Variants in COL5A3 observed in about 807,000 individuals in gnomAD.
COL5A3 encodes the protein collagen alpha-3(V) chain.
Under a neutral mutation model 250.0 loss-of-function variants are expected in COL5A3, and 172 were observed. The ratio of observed to expected loss-of-function variants is 0.69; its 90% CI spans 0.61 to 0.78. The LOEUF is 0.78. Ranked by LOEUF, COL5A3 falls within the 30% of genes least tolerant of loss-of-function variation. The pLI is 0.00. For synonymous variants in COL5A3, 937 were observed against 900.4 expected (o/e 1.04, Z -0.73); for missense variants, 2,340 against 2,334.4 (o/e 1.00, Z -0.05).
intron 40 of COL5A3, 42 bp downstream of exon 40, chr19:9,978,849 C>T (rs754014521): frequency 7.4e-7 from 1 of 1,342,296 alleles, no homozygotes; most frequent in Non-Finnish European, 9.9e-7. Context: ...CCATCCTTTC[C>T]TTCTCTAAGG....
At chr19:9,976,655 G>C (rs35571684) in intron 44 of COL5A3, 44 bp from the exon 45 acceptor site, 35,491 of 1,475,906 alleles carry the variant, frequency 0.024, 572 homozygotes, top group South Asian at 0.05. Flanking sequence ...TCAGGTTTAA[G>C]ATTAGAGAGG....
In COL5A3 at chr19:9,960,457, T is replaced by A; in HGVS notation, c.5192A>T (p.Asn1731Ile). ...GCCCAGTTCAAACCCAAACTTTTGG[T>A]TCGTCTGGCCAAAGTCAGTGGCCGC... ...DVAATDFGQTNQKFGFELGPV... is the reference protein window; with the variant it reads ...DVAATDFGQTIQKFGFELGPV... The change falls in exon 67 of 67, where the codon AAC becomes ATC. Residue 1731 changes from asparagine (N) to isoleucine (I), a missense_variant. Around this residue, in one of 3 missense-constraint regions of COL5A3, gnomAD observed 1,179 missense variants for 1,162.6 expected, o/e 1.01. Transcript: ENST00000264828. The A allele has an allele frequency of 6.2e-7, 1 of 1,614,122 alleles. No individual in the cohort carries two copies. The highest frequency in any genetic ancestry group is 1.1e-5 in the South Asian group (1 of 91,072).
intron 49 of COL5A3, 30 bp downstream of exon 49, chr19:9,973,726 C>T (rs375772726): frequency 1.2e-6 from 2 of 1,613,816 alleles, no homozygotes; most frequent in Non-Finnish European, 1.7e-6. Context: ...ATCTCTTCCC[C>T]CCGTGCAGCC....
chr19:9,994,029 A>T (rs1478550209), intron 16 of COL5A3, among the ~76,000 whole-genome samples: 1 of 151,768 alleles, frequency 6.6e-6, no homozygotes. Flanking sequence ...CTAATTTTTT[A>T]TATTTTTGGT....
Position 9,967,946 on chromosome 19 carries a change from G to C in COL5A3, c.4369-7C>G. On this transcript the variant is annotated splice_polypyrimidine_tract_variant and splice_region_variant and intron_variant, in intron 60 of 66. Coordinates refer to ENST00000264828, the MANE Select transcript of COL5A3 (RefSeq NM_015719.4). ...CTTTCTGTCCTAGAGGGCCCTGTAG[G>C]GTACAGACAGGGAGAGCTGAGGTCC... 2 of 1,612,086 alleles carry C rather than the reference G, an allele frequency of 1.2e-6. No individual in the cohort carries two copies. Among genetic ancestry groups the C allele is most frequent in the Non-Finnish European group, 1.7e-6 (2 of 1,179,196 alleles).
At chr19:9,993,281 C>T (rs2087221452) in intron 19 of COL5A3, 99 bp downstream of exon 19, 1 of 1,390,322 alleles carries the variant, frequency 7.2e-7, no homozygotes, top group Non-Finnish European at 1.0e-6. Context: ...CCCTAGCTCT[C>T]AAGCTGGCCA....
At chr19:10,010,261 G>T (rs745725381) in intron 1 of COL5A3, 37 bp downstream of exon 1, 24 of 1,337,246 alleles carry the variant, frequency 1.8e-5, no homozygotes, top group Non-Finnish European at 2.1e-5. Context: ...TCTCTGAGTC[G>T]TGGACCCTGG....
At chr19:9,977,746 G>A in intron 41 of COL5A3, 45 bp from the exon 42 acceptor site, 2 of 1,420,084 alleles carry the variant, frequency 1.4e-6, no homozygotes, top group East Asian at 2.5e-5. Flanking sequence ...AGTAGTAGCT[G>A]TCCTTTATGG....
chr19:9,995,355 G>A (rs2087254673), intron 16 of COL5A3, among the ~76,000 whole-genome samples: 1 of 152,188 alleles, frequency 6.6e-6, no homozygotes, highest in African/African-American at 2.4e-5. Flanking sequence ...CAGATCTCAG[G>A]GCAAGCATCA....
intron 1 of COL5A3, 60 bp from the exon 2 acceptor site, chr19:10,006,291 A>G: frequency 1.3e-6 from 2 of 1,482,490 alleles, no homozygotes; most frequent in Admixed American, 2.2e-5. Context: ...GAATAAGCCC[A>G]GGACTCCAGG....
In COL5A3 at chr19:9,997,441, G is replaced by C. The variant is rs1191146005; in HGVS notation, c.1201-8C>G. 4 of 1,594,374 alleles carry C rather than the reference G, an allele frequency of 2.5e-6. No homozygotes were observed. Among genetic ancestry groups the C allele is most frequent in the East Asian group, 4.5e-5 (2 of 44,618 alleles). ...TGAGGGGCCAACCACCCCCTGTTGGGGACAGAGAAACAGGAGTCACAGGAA... is the reference window on the plus strand; with the variant it reads ...TGAGGGGCCAACCACCCCCTGTTGGCGACAGAGAAACAGGAGTCACAGGAA... On this transcript the variant is annotated splice_polypyrimidine_tract_variant and splice_region_variant and intron_variant, in intron 10 of 66. Transcript: ENST00000264828.
At position 9,968,036 on chromosome 19, in the gene COL5A3, G is replaced by C; in HGVS notation, c.4358C>G (p.Pro1453Arg). ...PIGSLGHPGP[P>R]GVAGPLGQKG... ...TCCCTGCATACTCACCGCCACACCT[G>C]GGGGCCCAGGGTGGCCCAGAGAGCC... Residue 1453 changes from proline (P) to arginine (R), a missense_variant, in exon 60 of 67, where the codon CCA becomes CGA. Around this residue, in one of 3 missense-constraint regions of COL5A3, gnomAD observed 1,179 missense variants for 1,162.6 expected, o/e 1.01. Transcript: ENST00000264828. This position sits in a 1 kb window ranked among gnomAD's most constrained non-coding sequence, Gnocchi z 4.1. 1 of 1,590,322 alleles carries C rather than the reference G, an allele frequency of 6.3e-7. No homozygotes were observed. The highest frequency in any genetic ancestry group is 1.2e-5 in the South Asian group (1 of 86,472).
intron 27 of COL5A3, among the ~76,000 whole-genome samples, chr19:9,987,951 A>T (rs2145112409): frequency 6.6e-6 from 1 of 151,952 alleles, no homozygotes; most frequent in East Asian, 1.9e-4. Flanking sequence ...TAAAACATTT[A>T]GGGCCGGGTG....
chr19:9,961,565 T>C (rs1180595365), intron 65 of COL5A3, among the ~76,000 whole-genome samples: 1 of 149,894 alleles, frequency 6.7e-6, no homozygotes, highest in East Asian at 1.9e-4. Context: ...TTTAATTTTT[T>C]TTTTTTTTTT....
At chr19:9,970,924 T>G in intron 53 of COL5A3, 51 bp downstream of exon 53, 4 of 1,300,674 alleles carry the variant, frequency 3.1e-6, no homozygotes, top group Non-Finnish European at 4.2e-6. Flanking sequence ...CACTCACTCA[T>G]TAGCTCCCCA....
chr19:10,006,215 C>T lies in COL5A3; in HGVS notation c.105G>A (p.Leu35=). ...GGCCTCCCTGCACACCCAGGGCCTTCAGGACATCCACAGGATCTGCAGCAG... is the reference window on the plus strand; with the variant it reads ...GGCCTCCCTGCACACCCAGGGCCTTTAGGACATCCACAGGATCTGCAGCAG... ...PGTQADPVDV[L]KALGVQGGQA... Residue 35 remains leucine (L), a synonymous_variant, in exon 2 of 67, where the codon CTG becomes CTA. Coordinates refer to ENST00000264828, the MANE Select transcript of COL5A3 (RefSeq NM_015719.4). The T allele has an allele frequency of 2.5e-6, 4 of 1,600,652 alleles. No homozygotes were observed. The highest frequency in any genetic ancestry group is 3.4e-6 in the Non-Finnish European group (4 of 1,174,318).
chr19:9,983,600 G>GAAAGAA (rs1278817642), intron 31 of COL5A3, among the ~76,000 whole-genome samples: 3 of 77,040 alleles, frequency 3.9e-5, no homozygotes, highest in African/African-American at 1.2e-4. Flanking sequence ...AAGAAAGAAA[G>GAAAGAA]AGAAAGAGAG....
Position 9,981,063 on chromosome 19 carries a change from T to A in COL5A3, c.2505+25A>T, listed in dbSNP as rs771798714. 1.3e-5 allele frequency: 21 copies of A among 1,611,418 alleles called. No homozygotes were observed. In the South Asian group the frequency reaches 1.9e-4, roughly 14 times the overall value. ...GCCCTGTCCCCAAGTCCCAGCAGGG[T>A]AGGGGGCACTGTCTATTTTCTTACT... On this transcript the variant is annotated intron_variant, in intron 33 of 66. Transcript: ENST00000264828.
chr19:9,993,798 A>G lies in COL5A3; in HGVS notation c.1596T>C (p.Pro532=). 1 of 1,614,170 alleles carries G rather than the reference A, an allele frequency of 6.2e-7. No homozygotes were observed. Among genetic ancestry groups the G allele is most frequent in the Non-Finnish European group, 8.5e-7 (1 of 1,180,008 alleles). ...GGAGGCCCCGAGCTCCATCTGCTCC[A>G]GGGCGGCCCTATGGAGAAAGTAAGC... is the stretch of plus-strand genomic sequence containing the variant. ...PPGRVGKMGR[P]GADGARGLPG... The change falls in exon 17 of 67, where the codon CCT becomes CCC. Residue 532 remains proline, a synonymous_variant. Transcript: ENST00000264828.
Sources: gnomAD v4.1 joint callset for allele counts (sites outside exome capture counted in the v4.1 genomes callset) on GRCh38, gnomAD v4.1.1 for gene constraint, gnomAD v4.1.1 regional missense constraint, Gnocchi (gnomAD v3.1) non-coding constraint, MANE v1.5 for transcripts, NCBI Gene and HGNC (gene_info 2026-07-23, HGNC 2026-07-21) for gene names.